Variants in PXDNL observed in about 807,000 individuals in gnomAD.
The protein encoded by PXDNL is peroxidasin like.
A neutral mutation model predicts 150.8 loss-of-function variants in PXDNL; 145 were observed. The observed-to-expected ratio is 0.96, with a 90% CI of 0.84 to 1.10. PXDNL has a LOEUF of 1.10. Among genes scored for constraint, PXDNL ranks in the 50% least tolerant of loss-of-function variants. PXDNL has a pLI of 0.00. For missense variants in PXDNL, 2,087 were observed against 1,873.9 expected, an observed-to-expected ratio of 1.11 and a Z score of -2.10; for synonymous variants, 757 against 725.7, an observed-to-expected ratio of 1.04 and a Z score of -0.69.
intron 1 of PXDNL, among the ~76,000 whole-genome samples, chr8:51,730,562 C>T (rs1250539909): frequency 6.6e-6 from 1 of 152,032 alleles, no homozygotes; most frequent in Non-Finnish European, 1.5e-5. Flanking sequence ...AATCTCTGTC[C>T]CTAATGGCTA....
chr8:51,451,834 T>C (rs768690119), intron 10 of PXDNL, among the ~76,000 whole-genome samples: 13 of 152,186 alleles, frequency 8.5e-5, no homozygotes, highest in Non-Finnish European at 1.6e-4. Context: ...AAAATCAGCC[T>C]TTTAAATAAA....
intron 1 of PXDNL, among the ~76,000 whole-genome samples, chr8:51,767,663 T>G (rs1585735188): frequency 6.6e-6 from 1 of 152,206 alleles, no homozygotes; most frequent in African/African-American, 2.4e-5. Context: ...TTTCAAATCT[T>G]TACTGCATAT....
At chr8:51,469,514 T>G (rs1167511482) in intron 8 of PXDNL, among the ~76,000 whole-genome samples, 1 of 152,044 alleles carries the variant, frequency 6.6e-6, no homozygotes, top group African/African-American at 2.4e-5. Flanking sequence ...TTAAATCTGG[T>G]TATTCCCACA....
intron 19 of PXDNL, among the ~76,000 whole-genome samples, chr8:51,350,562 C>T: frequency 6.6e-6 from 1 of 151,898 alleles, no homozygotes; most frequent in East Asian, 1.9e-4. Flanking sequence ...ACTGTGTTGG[C>T]CAAGCTGTTC....
chr8:51,756,071 G>A (rs907985921), intron 1 of PXDNL, among the ~76,000 whole-genome samples: 6 of 152,056 alleles, frequency 3.9e-5, no homozygotes, highest in African/African-American at 1.4e-4. Context: ...AGTATCACAT[G>A]TATTATAAAT....
chr8:51,752,237 T>C (rs967581009), intron 1 of PXDNL, among the ~76,000 whole-genome samples: 5 of 152,222 alleles, frequency 3.3e-5, no homozygotes, highest in Admixed American at 3.3e-4. Context: ...TCTCGTCTCC[T>C]GTTAAATCAC....
intron 4 of PXDNL, among the ~76,000 whole-genome samples, chr8:51,507,964 T>C (rs1811328407): frequency 6.6e-6 from 1 of 152,130 alleles, no homozygotes; most frequent in Non-Finnish European, 1.5e-5. Flanking sequence ...ATGTGGAGCC[T>C]CAATTGAAGG....
At chr8:51,647,711 TGAC>T (rs1206285760) in intron 2 of PXDNL, among the ~76,000 whole-genome samples, 1 of 152,228 alleles carries the variant, frequency 6.6e-6, no homozygotes, top group Non-Finnish European at 1.5e-5. Context: ...CAAAGTTAAC[TGAC>T]TTCTCTGTGC....
At chr8:51,384,325 A>G (rs1807634457) in intron 17 of PXDNL, among the ~76,000 whole-genome samples, 2 of 152,112 alleles carry the variant, frequency 1.3e-5, no homozygotes, top group Non-Finnish European at 2.9e-5. Flanking sequence ...CAGATCAGAC[A>G]CATGGTACAA....
intron 1 of PXDNL, among the ~76,000 whole-genome samples, chr8:51,793,855 T>C (rs1341055674): frequency 6.6e-6 from 1 of 151,922 alleles, no homozygotes; most frequent in Non-Finnish European, 1.5e-5. Context: ...ATCATGCCAC[T>C]GCACTACCCT....
intron 2 of PXDNL, among the ~76,000 whole-genome samples, chr8:51,625,560 G>A (rs531106986): frequency 1.8e-4 from 28 of 152,276 alleles, no homozygotes; most frequent in African/African-American, 6.7e-4. Context: ...TGTTCAGACT[G>A]TGAAAAATAT....
intron 17 of PXDNL, among the ~76,000 whole-genome samples, chr8:51,403,809 T>C (rs1022595083): frequency 6.6e-6 from 1 of 152,188 alleles, no homozygotes; most frequent in Admixed American, 6.5e-5. Flanking sequence ...GATTAGGTCA[T>C]GATGTGTTCG....
intron 1 of PXDNL, among the ~76,000 whole-genome samples, chr8:51,720,481 CAT>C (rs1406421428): frequency 6.6e-6 from 1 of 152,074 alleles, no homozygotes; most frequent in Non-Finnish European, 1.5e-5. Flanking sequence ...ATATGAATCA[CAT>C]GTGAATAAGT....
At chr8:51,695,682 C>A (rs576605748) in intron 1 of PXDNL, among the ~76,000 whole-genome samples, 2 of 152,190 alleles carry the variant, frequency 1.3e-5, no homozygotes, top group Admixed American at 1.3e-4. Flanking sequence ...AGTATGGTTC[C>A]CCTCACTTGC....
chr8:51,761,912 G>A (rs1279753381), intron 1 of PXDNL, among the ~76,000 whole-genome samples: 1 of 152,192 alleles, frequency 6.6e-6, no homozygotes, highest in Non-Finnish European at 1.5e-5. Context: ...TTTGGAAGCT[G>A]TGAAATGTTT....
intron 9 of PXDNL, among the ~76,000 whole-genome samples, chr8:51,454,833 A>C (rs1809890214): frequency 6.6e-6 from 1 of 152,144 alleles, no homozygotes; most frequent in Non-Finnish European, 1.5e-5. Flanking sequence ...GTGTGCTCCT[A>C]CTCTAGCTGC....
chr8:51,692,374 G>T (rs753180784), intron 1 of PXDNL, among the ~76,000 whole-genome samples: 2 of 152,068 alleles, frequency 1.3e-5, no homozygotes, highest in East Asian at 3.9e-4. Flanking sequence ...ATATTTTTTA[G>T]TCAGTATCCA....
intron 1 of PXDNL, among the ~76,000 whole-genome samples, chr8:51,715,814 G>T (rs567369822): frequency 4.6e-5 from 7 of 152,090 alleles, no homozygotes; most frequent in African/African-American, 1.7e-4. Context: ...TTGGCTATTG[G>T]TTCTTCTGAT....
chr8:51,453,867 T>G (rs1466373333), intron 9 of PXDNL, 82 bp from the exon 10 acceptor site: 26 of 1,446,586 alleles, frequency 1.8e-5, no homozygotes, highest in Middle Eastern at 5.0e-4. Flanking sequence ...GGTTTTAAGA[T>G]TATTGTCATT....
Sources: gnomAD v4.1 joint callset for allele counts (sites outside exome capture counted in the v4.1 genomes callset) on GRCh38, gnomAD v4.1.1 for gene constraint, MANE v1.5 for transcripts, NCBI Gene and HGNC (gene_info 2026-07-23, HGNC 2026-07-21) for gene names.